Variants in CCDC122 observed in about 807,000 individuals in gnomAD.
CCDC122 encodes the protein coiled-coil domain containing 122, also known as coiled-coil domain-containing protein 122.
CCDC122 carries 38 observed loss-of-function variants against 37.0 expected under a neutral mutation model. The observed-to-expected ratio is 1.03, with a 90% CI of 0.79 to 1.35. The LOEUF is 1.35. Ranked by LOEUF, CCDC122 falls within the 40% of genes most tolerant of loss-of-function variation. CCDC122 has a pLI of 0.00. For missense variants in CCDC122, 305 were observed against 310.0 expected (o/e 0.98, Z 0.12); for synonymous variants, 83 against 95.6 (o/e 0.87, Z 0.77).
At chr13:43,870,458 T>C (rs1206537746) in intron 2 of CCDC122, among the ~76,000 whole-genome samples, 1 of 152,158 alleles carries the variant, frequency 6.6e-6, no homozygotes, top group Non-Finnish European at 1.5e-5. Flanking sequence ...CTTCATCCTT[T>C]AATATATCTA....
At chr13:43,846,337 G>A (rs12428020) in intron 6 of CCDC122, among the ~76,000 whole-genome samples, 55,880 of 152,036 alleles carry the variant, frequency 0.37, 12,538 homozygotes, top group Non-Finnish European at 0.52. Context: ...GACTCTCAAA[G>A]TGTTGGGATT....
chr13:43,865,321 T>C lies in CCDC122; in HGVS notation c.156+3373A>G, dbSNP rs181012602. 8.3e-3 allele frequency among the ~76,000 whole-genome samples: 1,271 copies of C among 152,224 alleles called. 13 individuals carry two copies. The highest frequency in any genetic ancestry group is 0.027 in the African/African-American group (1,127 of 41,536). The stretch of plus-strand genomic sequence containing the variant: ...GGCACATGAAGCAGGGGCAGTCTTA[T>C]GGGACTGAGCCCTTTAACTTGTGGG... On this transcript the variant is annotated intron_variant, in intron 4 of 6. Coordinates refer to ENST00000444614, the MANE Select transcript of CCDC122 (RefSeq NM_144974.5).
intron 6 of CCDC122, among the ~76,000 whole-genome samples, chr13:43,857,101 G>T (rs903398822): frequency 2.0e-5 from 3 of 152,136 alleles, no homozygotes; most frequent in Non-Finnish European, 4.4e-5. Flanking sequence ...GAACTTTGCT[G>T]TGGTTTTAAT....
At chr13:43,856,455 C>A (rs1034604101) in intron 6 of CCDC122, 11 of 152,356 alleles carry the variant, frequency 7.2e-5, no homozygotes, top group African/African-American at 2.7e-4. Context: ...ATGGTGAAAC[C>A]CCGTCTCTAC....
rs538450840 is a variant in CCDC122 at position 43,869,363 on chromosome 13, T to G, written c.14A>C (p.Lys5Thr). The G allele has an allele frequency of 2.9e-5, 46 of 1,608,484 alleles. 1 individual carries two copies. In the South Asian group the frequency reaches 5.0e-4, roughly 17 times the overall value. The change falls in exon 3 of 7, where the codon AAA (lysine) becomes ACA (threonine). Residue 5 changes from lysine to threonine, a missense_variant. By Grantham distance (78) the Lys-to-Thr change is moderately conservative. Coordinates refer to ENST00000444614, the MANE Select transcript of CCDC122 (RefSeq NM_144974.5). ...AGGAAATCCTTGACTCTTCCTTTCT[T>G]TGTTGTCTGACATTTTCTGTGTCTG... MSDN[K>T]ERKSQGFPKE...
intron 3 of CCDC122, among the ~76,000 whole-genome samples, chr13:43,829,328 C>T (rs1391381538): frequency 6.6e-6 from 1 of 151,960 alleles, no homozygotes; most frequent in African/African-American, 2.4e-5. Flanking sequence ...TTTTTTGAGA[C>T]GGAGTCTTGC....
chr13:43,831,372 G>T (rs1358023806), downstream of CCDC122, among the ~76,000 whole-genome samples: 1 of 152,278 alleles, frequency 6.6e-6, no homozygotes, highest in South Asian at 2.1e-4. Context: ...AATGCAAATT[G>T]TAGGCTTGCT....
chr13:43,822,589 C>G (rs1953002281), downstream of CCDC122, among the ~76,000 whole-genome samples: 1 of 152,226 alleles, frequency 6.6e-6, no homozygotes, highest in South Asian at 2.1e-4. Context: ...GGATTAGAGT[C>G]AAAAACCTTA....
chr13:43,863,462 T>C (rs1195889520), intron 4 of CCDC122, among the ~76,000 whole-genome samples: 2 of 152,196 alleles, frequency 1.3e-5, no homozygotes, highest in Non-Finnish European at 2.9e-5. Context: ...CCAGTGGGCA[T>C]ACACATTTAT....
chr13:43,846,455 T>C (rs1953540151), intron 6 of CCDC122, among the ~76,000 whole-genome samples: 1 of 152,252 alleles, frequency 6.6e-6, no homozygotes, highest in African/African-American at 2.4e-5. Flanking sequence ...ATTGTGTTAC[T>C]TTCCTCTGAA....
At chr13:43,820,965 G>A (rs1328569279), downstream of CCDC122, among the ~76,000 whole-genome samples, 5 of 152,174 alleles carry the variant, frequency 3.3e-5, no homozygotes, top group South Asian at 2.1e-4. Flanking sequence ...TTAGAACAAT[G>A]TTTGATATCA....
At chr13:43,869,510 C>A in intron 2 of CCDC122, 21 bp from the exon 3 acceptor site, 1 of 632,732 alleles carries the variant, frequency 1.6e-6, no homozygotes, top group Non-Finnish European at 2.7e-6. Flanking sequence ...AATTAATTGT[C>A]AAACATGTCA....
At chr13:43,836,302 TAA>T (rs1953158281), downstream of CCDC122, 1 of 152,276 alleles carries the variant, frequency 6.6e-6, no homozygotes, top group African/African-American at 2.4e-5. Flanking sequence ...GTAATACTCT[TAA>T]GAGTTACATG....
chr13:43,823,862 C>G (rs927143591), downstream of CCDC122: 3 of 152,268 alleles, frequency 2.0e-5, no homozygotes, highest in African/African-American at 4.8e-5. Flanking sequence ...CTTCTAGCCT[C>G]TTTCAGAAAT....
intron 4 of CCDC122, among the ~76,000 whole-genome samples, chr13:43,867,631 T>C (rs1032953669): frequency 1.3e-5 from 2 of 152,116 alleles, no homozygotes; most frequent in Non-Finnish European, 2.9e-5. Context: ...GTAAGTAACA[T>C]AAGAGTGAGG....
rs9595032 is a variant in CCDC122 at position 43,878,959 on chromosome 13, G to A, written c.-200+672C>T. On this transcript the variant is annotated intron_variant, in intron 1 of 6. Transcript: ENST00000444614. ...AAAAAAACACTAAAACATCTCGAGG[G>A]GGCCCCTGACTTGAGCCCTGCATGG... Among the ~76,000 whole-genome samples, 1,183 of 152,220 alleles carry A rather than the reference G, an allele frequency of 7.8e-3. 14 individuals carry two copies. The highest frequency in any genetic ancestry group is 0.027 in the African/African-American group (1,139 of 41,526).
intron 2 of CCDC122, among the ~76,000 whole-genome samples, chr13:43,872,025 G>C (rs12428350): frequency 6.6e-6 from 1 of 151,680 alleles, no homozygotes; most frequent in Non-Finnish European, 1.5e-5. Flanking sequence ...ATCCCTGAAC[G>C]TTCAGTTGCT....
At chr13:43,855,363 CCA>C (rs146757703) in intron 6 of CCDC122, 59,644 of 145,216 alleles carry the variant, frequency 0.41, 13,097 homozygotes, top group Non-Finnish European at 0.52. Context: ...TTCACAGTTG[CCA>C]CACACACACA....
In CCDC122 at chr13:43,858,917, G is replaced by T; in HGVS notation, c.556-20C>A. On this transcript the variant is annotated intron_variant, in intron 5 of 6. Transcript: ENST00000444614. ...GTCTTCCTGTATGTTGACAACATTTGAAATATAGAAGTCAAAAAAGGATGA... is the reference window on the plus strand; with the variant it reads ...GTCTTCCTGTATGTTGACAACATTTTAAATATAGAAGTCAAAAAAGGATGA... 1 of 1,360,522 alleles carries T rather than the reference G, an allele frequency of 7.4e-7. No homozygotes were observed. Among genetic ancestry groups the T allele is most frequent in the African/African-American group, 1.5e-5 (1 of 66,900 alleles). 84.3% of individuals were successfully genotyped at this position (1,360,522 alleles called of 1,614,324 possible).
Sources: gnomAD v4.1 joint callset for allele counts (sites outside exome capture counted in the v4.1 genomes callset) on GRCh38, gnomAD v4.1.1 for gene constraint, MANE v1.5 for transcripts, NCBI Gene and HGNC (gene_info 2026-07-23, HGNC 2026-07-21) for gene names.